The following CNBD1 variants were observed in gnomAD, a reference collection of about 807,000 sequenced individuals.
The protein encoded by CNBD1 is cyclic nucleotide binding domain containing 1, also known as cyclic nucleotide-binding domain-containing protein 1.
A neutral mutation model predicts 54.4 loss-of-function variants in CNBD1; 71 were observed. The observed-to-expected ratio is 1.30, with a 90% CI of 1.08 to 1.59. The LOEUF is 1.59. CNBD1 is among the 40% of genes most tolerant of loss of function. The probability of loss-of-function intolerance (pLI) is 0.00; values close to 1 mark genes in which losing one functional copy is unlikely to be tolerated. For missense variants in CNBD1, 659 were observed against 518.0 expected (o/e 1.27, Z -2.64); for synonymous variants, 182 against 170.7 (o/e 1.07, Z -0.51).
At chr8:87,226,403 C>G (rs1304435855) in intron 5 of CNBD1, among the ~76,000 whole-genome samples, 1 of 150,286 alleles carries the variant, frequency 6.7e-6, no homozygotes. Context: ...CCTCTACACA[C>G]TGCTTTGAAT....
intron 4 of CNBD1, among the ~76,000 whole-genome samples, chr8:87,071,347 G>A (rs922432194): frequency 6.6e-6 from 1 of 152,018 alleles, no homozygotes. Context: ...GCTCATTGCT[G>A]CAATTCAGAC....
At chr8:86,910,643 A>G (rs936941563) in intron 3 of CNBD1, among the ~76,000 whole-genome samples, 18 of 152,224 alleles carry the variant, frequency 1.2e-4, no homozygotes, top group African/African-American at 4.3e-4. Flanking sequence ...ATAAGAAAAG[A>G]CATAGATTTT....
At chr8:87,253,421 T>G (rs1178451791) in intron 6 of CNBD1, among the ~76,000 whole-genome samples, 1 of 152,158 alleles carries the variant, frequency 6.6e-6, no homozygotes, top group Non-Finnish European at 1.5e-5. Flanking sequence ...GATGGCCCTG[T>G]CCACACAGCC....
rs1217123997 is a variant in CNBD1, at chr8:87,166,418, C to G, written c.432-39575C>G. ...TTGTATCTTCCACTACTTCTGCATG[C>G]CAGCCTAGTATTTACATAGCTGCTG... On this transcript the variant is annotated intron_variant, in intron 4 of 10. Transcript: ENST00000518476. The surrounding 1 kb of genome is among the most constrained non-coding windows in gnomAD (Gnocchi z 4.3). Among the ~76,000 whole-genome samples the G allele has an allele frequency of 2.0e-5, 3 of 151,942 alleles. No homozygotes were observed. The East Asian group carries it at 5.8e-4, about 29-fold the overall frequency.
intron 4 of CNBD1, among the ~76,000 whole-genome samples, chr8:87,001,649 C>T (rs1184737025): frequency 3.3e-5 from 5 of 152,146 alleles, no homozygotes. Context: ...TCTGTAATCA[C>T]TCATTTTTTC....
intron 6 of CNBD1, among the ~76,000 whole-genome samples, chr8:87,246,633 T>A (rs1377283815): frequency 6.6e-6 from 1 of 152,118 alleles, no homozygotes; most frequent in Non-Finnish European, 1.5e-5. Flanking sequence ...ACACAGAGGC[T>A]CCCCTGTCTT....
At chr8:87,371,479 T>A (rs1271122947) in intron 10 of CNBD1, among the ~76,000 whole-genome samples, 1 of 152,030 alleles carries the variant, frequency 6.6e-6, no homozygotes, top group Non-Finnish European at 1.5e-5. Flanking sequence ...TACTTCTAAC[T>A]CATTTTATGA....
chr8:87,265,457 T>A (rs1038610711), intron 6 of CNBD1, among the ~76,000 whole-genome samples: 1 of 152,174 alleles, frequency 6.6e-6, no homozygotes, highest in Non-Finnish European at 1.5e-5. Context: ...TTTGTTCTTT[T>A]GGCTTAGGAT....
chr8:87,357,321 G>A (rs947363765), intron 10 of CNBD1, among the ~76,000 whole-genome samples: 2 of 152,150 alleles, frequency 1.3e-5, no homozygotes, highest in African/African-American at 4.8e-5. Context: ...CTTGCACTCT[G>A]AGCCTGGAAA....
At position 87,241,268 on chromosome 8, in the gene CNBD1, A is replaced by ATTTTTTTTTTTTTTTTTTTTTTT. The variant is rs34829455; in HGVS notation, c.771+4157_771+4179dup. ...GGGCACAAAAATCTGTATTTGGAAG[A>ATTTTTTTTTTTTTTTTTTTTTTT]TTTTTTTTTTTTTTTTTTTTTTTGA... On this transcript the variant is annotated intron_variant, in intron 6 of 10. Coordinates refer to ENST00000518476, the MANE Select transcript of CNBD1 (RefSeq NM_173538.3). 7.5e-5 allele frequency among the ~76,000 whole-genome samples: 7 copies of ATTTTTTTTTTTTTTTTTTTTTTT among 93,856 alleles called. 1 individual carries two copies. Among genetic ancestry groups the ATTTTTTTTTTTTTTTTTTTTTTT allele is most frequent in the African/African-American group, 3.4e-4 (7 of 20,508 alleles). The allele number at this position is 93,856 out of a possible 152,430, so 61.6% of individuals were successfully genotyped here.
chr8:87,300,675 G>A (rs1214312779), intron 8 of CNBD1, among the ~76,000 whole-genome samples: 2 of 120,632 alleles, frequency 1.7e-5, no homozygotes, highest in East Asian at 2.5e-4. Flanking sequence ...GCCAAGGTGG[G>A]AAGATTATTA....
At chr8:87,202,809 A>G (rs1813891342) in intron 4 of CNBD1, among the ~76,000 whole-genome samples, 1 of 152,220 alleles carries the variant, frequency 6.6e-6, no homozygotes, top group African/African-American at 2.4e-5. Context: ...CTAGGAATGC[A>G]GATGAGCATG....
intron 4 of CNBD1, among the ~76,000 whole-genome samples, chr8:87,003,819 T>C (rs1162576910): frequency 3.9e-5 from 6 of 152,074 alleles, no homozygotes; most frequent in Non-Finnish European, 7.4e-5. Flanking sequence ...ATGGGACAAA[T>C]GTCAACTGGG....
chr8:87,415,275 G>C (rs1177148575), intron 2 of CNBD1, among the ~76,000 whole-genome samples: 3 of 152,016 alleles, frequency 2.0e-5, no homozygotes, highest in Non-Finnish European at 4.4e-5. Flanking sequence ...GTCTAATTCA[G>C]TAAGTCTAGG....
chr8:87,159,322 A>G (rs1415831943), intron 4 of CNBD1, among the ~76,000 whole-genome samples: 1 of 152,162 alleles, frequency 6.6e-6, no homozygotes, highest in Admixed American at 6.6e-5. Context: ...AACCCCTCAT[A>G]TAATTTCTAG....
intron 4 of CNBD1, among the ~76,000 whole-genome samples, chr8:87,025,778 G>A (rs1809630234): frequency 6.6e-6 from 1 of 152,148 alleles, no homozygotes; most frequent in Non-Finnish European, 1.5e-5. Flanking sequence ...GAACCCACCG[G>A]AAGGAAGAAA....
At chr8:87,205,216 TAG>T (rs1259986102) in intron 4 of CNBD1, among the ~76,000 whole-genome samples, 2 of 152,140 alleles carry the variant, frequency 1.3e-5, no homozygotes, top group Non-Finnish European at 2.9e-5. Context: ...GTATTTTTAG[TAG>T]AGACAGGGTT....
chr8:87,289,055 A>G lies in CNBD1; in HGVS notation c.1042+2384A>G, dbSNP rs1276673542. On this transcript the variant is annotated intron_variant, in intron 8 of 10. Transcript: ENST00000518476. ...TAGTCAAGATTTAGTTTGAATTTTT[A>G]TCAGAGAATGTAGAGAATGTAGCTC... Among the ~76,000 whole-genome samples, 3 of 152,244 alleles carry G rather than the reference A, an allele frequency of 2.0e-5. No individual in the cohort carries two copies. In the East Asian group the frequency reaches 5.8e-4, roughly 29 times the overall value.
intron 4 of CNBD1, among the ~76,000 whole-genome samples, chr8:87,204,897 G>T (rs1813938412): frequency 6.6e-6 from 1 of 151,770 alleles, no homozygotes; most frequent in Non-Finnish European, 1.5e-5. Flanking sequence ...AATGACATTA[G>T]GTAGGGAGCA....
Sources: allele counts gnomAD v4.1 joint callset (sites outside exome capture counted in the v4.1 genomes callset), GRCh38; gene constraint gnomAD v4.1.1; non-coding constraint Gnocchi (gnomAD v3.1); transcripts MANE v1.5; gene names NCBI Gene and HGNC (gene_info 2026-07-23, HGNC 2026-07-21).